The following DGKG variants were observed in gnomAD, a reference collection of about 807,000 sequenced individuals.
The protein encoded by DGKG is DAG kinase gamma.
Under a neutral mutation model 105.3 loss-of-function variants are expected in DGKG, and 78 were observed. The ratio of observed to expected loss-of-function variants is 0.74; its 90% CI spans 0.62 to 0.89. The LOEUF (loss-of-function observed/expected upper bound fraction) is 0.89. Among genes scored for constraint, DGKG ranks in the 40% least tolerant of loss-of-function variants. DGKG has a pLI of 0.00. For synonymous variants in DGKG, 346 were observed against 367.1 expected (o/e 0.94, Z 0.66); for missense variants, 958 against 1,020.1 (o/e 0.94, Z 0.83).
chr3:186,217,722 T>G (rs1381664458), intron 20 of DGKG, among the ~76,000 whole-genome samples: 2 of 152,206 alleles, frequency 1.3e-5, no homozygotes, highest in East Asian at 3.8e-4. Flanking sequence ...TGCTGGCCAT[T>G]CACTTTACCA....
rs558039833 is a variant in DGKG at position 186,297,417 on chromosome 3, T to C, written c.373+4A>G. On this transcript the variant is annotated splice_donor_region_variant and intron_variant, in intron 5 of 24. Coordinates refer to ENST00000265022, the MANE Select transcript of DGKG (RefSeq NM_001346.3). ...CCCACAAGTCTTATATTCCAAAGAC[T>C]TACCAGTATCAGGGGCACAGGCCTC... is the stretch of plus-strand genomic sequence containing the variant. The C allele has an allele frequency of 6.2e-6, 10 of 1,608,748 alleles. No individual in the cohort carries two copies. In the African/African-American group the frequency reaches 6.7e-5, roughly 11 times the overall value.
At chr3:186,212,015 T>C (rs1719061759) in intron 20 of DGKG, 130 bp from the exon 21 acceptor site, 2 of 681,674 alleles carry the variant, frequency 2.9e-6, no homozygotes, top group Admixed American at 4.9e-5. Context: ...CAGCACTTGT[T>C]AATCAGATGA....
At chr3:186,165,910 T>A (rs1218688394) in intron 22 of DGKG, among the ~76,000 whole-genome samples, 1 of 152,258 alleles carries the variant, frequency 6.6e-6, no homozygotes, top group Non-Finnish European at 1.5e-5. Flanking sequence ...TTTCCATTCC[T>A]TTGCCTACCA....
chr3:186,261,229 C>A (rs975346224), intron 15 of DGKG, among the ~76,000 whole-genome samples: 2 of 152,240 alleles, frequency 1.3e-5, no homozygotes, highest in South Asian at 4.1e-4. Flanking sequence ...TTCTCCCTGT[C>A]CACCTGTGCT....
intron 9 of DGKG, among the ~76,000 whole-genome samples, chr3:186,276,704 A>G (rs940454370): frequency 6.6e-6 from 1 of 152,188 alleles, no homozygotes; most frequent in Non-Finnish European, 1.5e-5. Flanking sequence ...GGAACACAGC[A>G]CAGCTTGAGG....
chr3:186,158,687 C>T, intron 24 of DGKG: 1 of 966,808 alleles, frequency 1.0e-6, no homozygotes, highest in Non-Finnish European at 1.2e-6. Flanking sequence ...TGCTACTTAA[C>T]CTCAAAGATG....
At chr3:186,333,258 A>G (rs1437914954) in intron 1 of DGKG, among the ~76,000 whole-genome samples, 2 of 152,208 alleles carry the variant, frequency 1.3e-5, no homozygotes, top group African/African-American at 4.8e-5. Context: ...CACCAGAGCT[A>G]GAGAAATTCA....
chr3:186,182,492 T>C (rs767745394), intron 22 of DGKG, among the ~76,000 whole-genome samples: 1 of 152,174 alleles, frequency 6.6e-6, no homozygotes, highest in Non-Finnish European at 1.5e-5. Flanking sequence ...ACTCATCTAA[T>C]CCATGACTGG....
At chr3:186,245,662 AG>A (rs1720904078) in intron 19 of DGKG, among the ~76,000 whole-genome samples, 1 of 152,198 alleles carries the variant, frequency 6.6e-6, no homozygotes, top group Non-Finnish European at 1.5e-5. Context: ...CTTTTCTTTC[AG>A]GTGTGGGGTG....
At chr3:186,198,423 C>T (rs1718288146) in intron 21 of DGKG, among the ~76,000 whole-genome samples, 2 of 152,204 alleles carry the variant, frequency 1.3e-5, no homozygotes, top group African/African-American at 2.4e-5. Flanking sequence ...GGAGTACTCA[C>T]TGATCTATCA....
At chr3:186,289,159 T>G in intron 5 of DGKG, among the ~76,000 whole-genome samples, 1 of 152,194 alleles carries the variant, frequency 6.6e-6, no homozygotes, top group East Asian at 1.9e-4. Flanking sequence ...ATAGTGATTA[T>G]TGGTAATATC....
intron 3 of DGKG, among the ~76,000 whole-genome samples, chr3:186,304,698 A>G (rs1724141519): frequency 6.6e-6 from 1 of 152,236 alleles, no homozygotes; most frequent in Non-Finnish European, 1.5e-5. Context: ...AATGTTAGCC[A>G]CTTTGCAAAG....
intron 9 of DGKG, among the ~76,000 whole-genome samples, chr3:186,278,570 C>A (rs577844168): frequency 6.6e-6 from 1 of 152,270 alleles, no homozygotes; most frequent in African/African-American, 2.4e-5. Context: ...TCCAGCTTGA[C>A]TTTCTAGGGT....
chr3:186,301,991 A>G (rs889222279), intron 3 of DGKG, among the ~76,000 whole-genome samples: 2 of 151,974 alleles, frequency 1.3e-5, no homozygotes, highest in East Asian at 3.9e-4. Context: ...CATGCACTCT[A>G]CCCTGCATGA....
chr3:186,205,512 C>T (rs569695227), intron 21 of DGKG, among the ~76,000 whole-genome samples: 1 of 152,248 alleles, frequency 6.6e-6, no homozygotes, highest in East Asian at 1.9e-4. Flanking sequence ...GAGTTCAATA[C>T]CAGCCTGGCA....
At chr3:186,333,512 T>C (rs1331143608) in intron 1 of DGKG, among the ~76,000 whole-genome samples, 1 of 152,204 alleles carries the variant, frequency 6.6e-6, no homozygotes, top group East Asian at 1.9e-4. Flanking sequence ...AAAATTGTCA[T>C]GTTATGACTT....
chr3:186,295,822 T>C (rs1459920553), intron 5 of DGKG, among the ~76,000 whole-genome samples: 1 of 151,870 alleles, frequency 6.6e-6, no homozygotes, highest in East Asian at 1.9e-4. Context: ...GAGTTAAGAA[T>C]AGAGTATACT....
intron 19 of DGKG, among the ~76,000 whole-genome samples, chr3:186,246,689 T>C (rs1470552799): frequency 1.3e-5 from 2 of 152,182 alleles, no homozygotes; most frequent in African/African-American, 4.8e-5. Context: ...ACAAATAACC[T>C]GGTGCCAGCA....
Position 186,306,985 on chromosome 3 carries a change from G to C in DGKG, c.68-8C>G, listed in dbSNP as rs1344473697. On this transcript the variant is annotated splice_polypyrimidine_tract_variant and splice_region_variant and intron_variant, in intron 2 of 24. Coordinates refer to ENST00000265022, the MANE Select transcript of DGKG (RefSeq NM_001346.3). Reference sequence around the variant, plus strand: ...TTATCTTCTTGGAGGAATCTGAAGAGACACAATTCACATGTGAAACACTGG... The same window carrying C: ...TTATCTTCTTGGAGGAATCTGAAGACACACAATTCACATGTGAAACACTGG... The C allele has an allele frequency of 1.3e-6, 2 of 1,598,614 alleles. No individual in the cohort carries two copies. Among genetic ancestry groups the C allele is most frequent in the South Asian group, 1.1e-5 (1 of 90,646 alleles).
Sources: allele counts gnomAD v4.1 joint callset (sites outside exome capture counted in the v4.1 genomes callset), GRCh38; gene constraint gnomAD v4.1.1; transcripts MANE v1.5; gene names NCBI Gene and HGNC (gene_info 2026-07-23, HGNC 2026-07-21).